Variants in KCNG3 observed in about 807,000 individuals in gnomAD.
KCNG3 encodes potassium voltage-gated channel modifier subfamily G member 3, also known as voltage-gated potassium channel regulatory subunit KCNG3.
Under a neutral mutation model 29.0 loss-of-function variants are expected in KCNG3, and 15 were observed. The ratio of observed to expected loss-of-function variants is 0.52; its 90% CI spans 0.35 to 0.80. KCNG3 has a LOEUF of 0.80. Ranked by LOEUF, KCNG3 falls within the 30% of genes least tolerant of loss-of-function variation. The pLI, the probability that KCNG3 is intolerant of heterozygous loss-of-function variation, is 0.01. For synonymous variants in KCNG3, 322 were observed against 248.9 expected, an observed-to-expected ratio of 1.29 and a Z score of -2.76; for missense variants, 512 against 605.7, an observed-to-expected ratio of 0.85 and a Z score of 1.62.
chr2:42,437,386 A>G (rs1339423927), downstream of KCNG3, among the ~76,000 whole-genome samples: 3 of 152,210 alleles, frequency 2.0e-5, no homozygotes, highest in Admixed American at 2.0e-4. Context: ...TGTTTTTAAG[A>G]GCCTTCCAAA....
the KCNG3 span, among the ~76,000 whole-genome samples, chr2:42,412,963 AG>A: frequency 6.6e-6 from 1 of 152,032 alleles, no homozygotes. Flanking sequence ...TTAGAGATGA[AG>A]TCTCACTCTG....
chr2:42,459,110 C>A (rs934423042), intron 1 of KCNG3, among the ~76,000 whole-genome samples: 1 of 151,620 alleles, frequency 6.6e-6, no homozygotes, highest in East Asian at 1.9e-4. Context: ...GCAGGAGAAT[C>A]GCTTGAACCC....
chr2:42,390,622 G>A, the KCNG3 span, among the ~76,000 whole-genome samples: 2 of 152,176 alleles, frequency 1.3e-5, no homozygotes, highest in African/African-American at 4.8e-5. Context: ...TTGTTTATCA[G>A]ACTCCTCTGA....
At chr2:42,390,889 T>C in the KCNG3 span, among the ~76,000 whole-genome samples, 18 of 152,204 alleles carry the variant, frequency 1.2e-4, no homozygotes, top group Non-Finnish European at 2.5e-4. Context: ...GAGTCCAATT[T>C]GGACTCTTTT....
chr2:42,412,381 T>C, the KCNG3 span, among the ~76,000 whole-genome samples: 1 of 152,226 alleles, frequency 6.6e-6, no homozygotes, highest in Non-Finnish European at 1.5e-5. Flanking sequence ...TGGAGTGACT[T>C]TGGTTTCCTA....
the KCNG3 span, among the ~76,000 whole-genome samples, chr2:42,407,746 C>T: frequency 3.3e-5 from 5 of 152,112 alleles, no homozygotes; most frequent in African/African-American, 9.7e-5. Flanking sequence ...GCTTCAGACC[C>T]GGGCCTCCCT....
rs1327223728 is a variant in KCNG3 at position 42,461,189 on chromosome 2, A to AAC, written c.666-16611_666-16610insGT. On this transcript the variant is annotated intron_variant, in intron 1 of 1. Transcript: ENST00000306078. ...AAACAAAACAAAACAAAACAAAAAA[A>AAC]AAAAAAAAAAAAAAAAGGTAGACAT... 4.1e-3 allele frequency among the ~76,000 whole-genome samples: 592 copies of AAC among 144,730 alleles called. 1 individual carries two copies. Among genetic ancestry groups the AAC allele is most frequent in the South Asian group, 0.018 (84 of 4,708 alleles). The allele number at this position is 144,730 out of a possible 152,430, so 94.9% of individuals were successfully genotyped here.
chr2:42,401,888 A>T, the KCNG3 span, among the ~76,000 whole-genome samples: 1 of 152,296 alleles, frequency 6.6e-6, no homozygotes, highest in African/African-American at 2.4e-5. Flanking sequence ...CGTCTCAAAA[A>T]ACAAAAACAA....
the KCNG3 span, among the ~76,000 whole-genome samples, chr2:42,430,838 G>A: frequency 2.6e-5 from 4 of 152,100 alleles, no homozygotes; most frequent in Non-Finnish European, 5.9e-5. Context: ...GGCCAGGAGT[G>A]GTGGCTCACA....
chr2:42,491,814 C>T (rs1673884615), intron 1 of KCNG3, among the ~76,000 whole-genome samples: 2 of 152,202 alleles, frequency 1.3e-5, no homozygotes, highest in Non-Finnish European at 1.5e-5. Flanking sequence ...CGAACATGTA[C>T]ATGCCTATCA....
intron 1 of KCNG3, among the ~76,000 whole-genome samples, chr2:42,450,157 T>C (rs1002263470): frequency 2.0e-5 from 3 of 152,144 alleles, no homozygotes; most frequent in African/African-American, 7.2e-5. Flanking sequence ...GCCAAAGTTG[T>C]TATGACTAAG....
chr2:42,435,413 G>A, the KCNG3 span, among the ~76,000 whole-genome samples: 1 of 152,106 alleles, frequency 6.6e-6, no homozygotes. Flanking sequence ...AGAAAAAACA[G>A]ATAAATTGGG....
intron 1 of KCNG3, among the ~76,000 whole-genome samples, chr2:42,460,646 A>T (rs1264943434): frequency 1.3e-5 from 2 of 152,246 alleles, no homozygotes; most frequent in African/African-American, 4.8e-5. Flanking sequence ...GGAAAGTGCC[A>T]GATACCTGAT....
chr2:42,453,657 T>C (rs1358915991), intron 1 of KCNG3, among the ~76,000 whole-genome samples: 1 of 152,182 alleles, frequency 6.6e-6, no homozygotes, highest in East Asian at 1.9e-4. Context: ...ATTCTGTGGG[T>C]TGTCTCTTCA....
intron 1 of KCNG3, among the ~76,000 whole-genome samples, chr2:42,474,400 T>C (rs1673371571): frequency 6.8e-6 from 1 of 147,234 alleles, no homozygotes. Context: ...TGGTGACGCA[T>C]GCCTATAATC....
At chr2:42,478,702 C>A (rs114777917) in intron 1 of KCNG3, among the ~76,000 whole-genome samples, 2 of 152,154 alleles carry the variant, frequency 1.3e-5, no homozygotes, top group East Asian at 3.8e-4. Context: ...CCTTCCACAG[C>A]GGCACCATCT....
chr2:42,433,888 T>C, the KCNG3 span, among the ~76,000 whole-genome samples: 1 of 152,192 alleles, frequency 6.6e-6, no homozygotes, highest in Non-Finnish European at 1.5e-5. Context: ...TCTCTGGCCT[T>C]TGGACTGCAG....
chr2:42,421,267 A>C, the KCNG3 span, among the ~76,000 whole-genome samples: 1 of 152,222 alleles, frequency 6.6e-6, no homozygotes, highest in Non-Finnish European at 1.5e-5. Flanking sequence ...TACAGTAATT[A>C]ATCACACATA....
chr2:42,468,712 T>C (rs1256905145), intron 1 of KCNG3, among the ~76,000 whole-genome samples: 1 of 151,864 alleles, frequency 6.6e-6, no homozygotes, highest in African/African-American at 2.4e-5. Context: ...CTCAGCACTT[T>C]GGGAGGATGA....
Sources: gnomAD v4.1 joint callset for allele counts (sites outside exome capture counted in the v4.1 genomes callset) on GRCh38, gnomAD v4.1.1 for gene constraint, MANE v1.5 for transcripts, NCBI Gene and HGNC (gene_info 2026-07-23, HGNC 2026-07-21) for gene names.